Variants in RGS22 observed in about 807,000 individuals in gnomAD.
RGS22 encodes regulator of G-protein signaling 22.
A neutral mutation model predicts 172.9 loss-of-function variants in RGS22; 148 were observed. The observed-to-expected ratio is 0.86, with a 90% CI of 0.75 to 0.98. The LOEUF (loss-of-function observed/expected upper bound fraction) is 0.98. Among genes scored for constraint, RGS22 ranks in the 50% least tolerant of loss-of-function variants. The pLI is 0.00. For synonymous variants in RGS22, 458 were observed against 480.2 expected, an observed-to-expected ratio of 0.95 and a Z score of 0.60; for missense variants, 1,347 against 1,440.8, an observed-to-expected ratio of 0.93 and a Z score of 1.05.
intron 11 of RGS22, among the ~76,000 whole-genome samples, chr8:100,043,518 T>A (rs2131616845): frequency 6.6e-6 from 1 of 152,192 alleles, no homozygotes; most frequent in African/African-American, 2.4e-5. Flanking sequence ...GGCTCACGCC[T>A]ATAATCCCAG....
At chr8:100,080,871 A>G (rs1446066079) in intron 3 of RGS22, 1 of 152,672 alleles carries the variant, frequency 6.5e-6, no homozygotes, top group African/African-American at 2.4e-5. Context: ...AAGAGAGAAG[A>G]AAATAACATT....
chr8:100,026,859 T>C (rs1421059738), intron 14 of RGS22, among the ~76,000 whole-genome samples: 1 of 151,752 alleles, frequency 6.6e-6, no homozygotes. Context: ...AAGAAGCCGA[T>C]GACTTAAAAG....
chr8:99,997,015 C>A (rs1420710034), intron 19 of RGS22, among the ~76,000 whole-genome samples: 3 of 152,168 alleles, frequency 2.0e-5, no homozygotes, highest in Admixed American at 6.5e-5. Flanking sequence ...CTGTCCATAG[C>A]AGATAGATCC....
chr8:99,991,220 C>T (rs947413067), intron 20 of RGS22, among the ~76,000 whole-genome samples: 5 of 152,154 alleles, frequency 3.3e-5, no homozygotes, highest in Admixed American at 1.3e-4. Context: ...TCCAAAGGAT[C>T]GCAGCTCCTC....
At chr8:100,004,236 T>A in intron 16 of RGS22, 138 bp from the exon 17 acceptor site, 1 of 1,028,410 alleles carries the variant, frequency 9.7e-7, no homozygotes, top group Non-Finnish European at 1.3e-6. Flanking sequence ...GGTAAAGACT[T>A]TAGAATCTGG....
intron 3 of RGS22, among the ~76,000 whole-genome samples, chr8:100,085,780 G>A (rs559075086): frequency 2.0e-5 from 3 of 152,246 alleles, no homozygotes; most frequent in Admixed American, 2.0e-4. Flanking sequence ...ACCCTCTACA[G>A]GGCACATACA....
intron 3 of RGS22, among the ~76,000 whole-genome samples, chr8:100,088,265 T>C (rs1812307311): frequency 6.6e-6 from 1 of 152,096 alleles, no homozygotes; most frequent in Non-Finnish European, 1.5e-5. Context: ...GGCAAACACA[T>C]GACATACCTA....
At chr8:100,034,487 CA>C (rs1242490385) in intron 14 of RGS22, among the ~76,000 whole-genome samples, 1 of 152,146 alleles carries the variant, frequency 6.6e-6, no homozygotes, top group African/African-American at 2.4e-5. Context: ...AATGGAAAAA[CA>C]TTCCATGCTC....
chr8:99,997,279 C>T (rs1814497217), intron 19 of RGS22, among the ~76,000 whole-genome samples: 2 of 152,120 alleles, frequency 1.3e-5, no homozygotes, highest in South Asian at 4.1e-4. Context: ...CTAAAGAATG[C>T]TAAGTCAAGA....
chr8:99,982,950 C>T (rs1457949340), intron 21 of RGS22, among the ~76,000 whole-genome samples: 1 of 152,140 alleles, frequency 6.6e-6, no homozygotes, highest in Admixed American at 6.5e-5. Context: ...TTTCAACCCA[C>T]CCTCCCCTCA....
chr8:100,101,443 ATTTTTT>A (rs57644659), intron 2 of RGS22, among the ~76,000 whole-genome samples: 39 of 116,752 alleles, frequency 3.3e-4, no homozygotes, highest in African/African-American at 1.2e-3. Context: ...TGCCCAGCTA[ATTTTTT>A]TTTTTTTTTT....
intron 4 of RGS22, among the ~76,000 whole-genome samples, chr8:100,078,607 T>A (rs1189603332): frequency 1.6e-4 from 24 of 151,920 alleles, no homozygotes; most frequent in Admixed American, 1.4e-3. Flanking sequence ...TGATCTCCAC[T>A]ATTGTTTTTA....
At chr8:99,994,660 A>G (rs1054186256) in intron 20 of RGS22, among the ~76,000 whole-genome samples, 1 of 152,236 alleles carries the variant, frequency 6.6e-6, no homozygotes, top group Non-Finnish European at 1.5e-5. Context: ...GATAGGAGGA[A>G]TCAATATTGT....
intron 14 of RGS22, among the ~76,000 whole-genome samples, chr8:100,026,640 G>C (rs1242992565): frequency 6.6e-6 from 1 of 152,132 alleles, no homozygotes; most frequent in East Asian, 1.9e-4. Context: ...CATATCATTG[G>C]GTGGAGATGT....
At chr8:100,058,530 CGA>C (rs1809835923) in intron 9 of RGS22, among the ~76,000 whole-genome samples, 1 of 152,016 alleles carries the variant, frequency 6.6e-6, no homozygotes. Flanking sequence ...TTATAGGCCA[CGA>C]GAGAGTGGCA....
At chr8:99,991,558 G>A (rs910292294) in intron 20 of RGS22, among the ~76,000 whole-genome samples, 3 of 152,208 alleles carry the variant, frequency 2.0e-5, no homozygotes, top group African/African-American at 2.4e-5. Flanking sequence ...AGAAGACAAG[G>A]TTAGAGAAAA....
chr8:99,965,106 G>A (rs1563550412), intron 24 of RGS22, among the ~76,000 whole-genome samples: 1 of 152,098 alleles, frequency 6.6e-6, no homozygotes, highest in Non-Finnish European at 1.5e-5. Flanking sequence ...TCTGCAATTT[G>A]TCTTCCTCAT....
In RGS22 at chr8:99,994,604, G is replaced by A. The variant is rs116888130; in HGVS notation, c.3018+1858C>T. 4.6e-5 allele frequency among the ~76,000 whole-genome samples: 7 copies of A among 152,118 alleles called. No homozygotes were observed. The South Asian group carries it at 8.3e-4, about 18-fold the overall frequency. On this transcript the variant is annotated intron_variant, in intron 20 of 27. Coordinates refer to ENST00000360863, the MANE Select transcript of RGS22 (RefSeq NM_015668.5). ...GGAGAAATACAAACCACTGCTCAAC[G>A]AATAAAAGAGGACACAAACAAATGG... is the stretch of plus-strand genomic sequence containing the variant.
intron 4 of RGS22, among the ~76,000 whole-genome samples, chr8:100,078,540 TTGTC>T (rs1476948189): frequency 6.6e-5 from 10 of 152,078 alleles, no homozygotes; most frequent in African/African-American, 2.4e-4. Flanking sequence ...CATATGTTCT[TTGTC>T]TGTTTTTTCC....
Sources: gnomAD v4.1 joint callset for allele counts (sites outside exome capture counted in the v4.1 genomes callset) on GRCh38, gnomAD v4.1.1 for gene constraint, MANE v1.5 for transcripts, NCBI Gene and HGNC (gene_info 2026-07-23, HGNC 2026-07-21) for gene names.